Variants in PCDH15 observed in about 807,000 individuals in gnomAD.
PCDH15 encodes the protein protocadherin-15.
A neutral mutation model predicts 178.5 loss-of-function variants in PCDH15; 129 were observed. The observed-to-expected ratio is 0.72, with a 90% confidence interval of 0.63 to 0.84. The LOEUF (loss-of-function observed/expected upper bound fraction) is 0.84, where lower values mean the gene tolerates loss of function less well. Ranked by LOEUF, PCDH15 falls within the 40% of genes least tolerant of loss-of-function variation. PCDH15 has a pLI of 0.00. For missense variants in PCDH15, 2,230 were observed against 2,099.9 expected (o/e 1.06, Z -1.21); for synonymous variants, 800 against 732.0 (o/e 1.09, Z -1.50).
chr10:55,562,304 T>A (rs556731845), intron 2 of PCDH15, among the ~76,000 whole-genome samples: 1 of 152,150 alleles, frequency 6.6e-6, no homozygotes, highest in South Asian at 2.1e-4. Context: ...GATTAGCTAT[T>A]TTATACAGTT....
chr10:54,821,508 A>G (rs1174207861), intron 3 of PCDH15, among the ~76,000 whole-genome samples: 2 of 152,276 alleles, frequency 1.3e-5, no homozygotes, highest in East Asian at 1.9e-4. Context: ...AAAAGTTGGC[A>G]CATACCAAGA....
chr10:54,339,365 A>AAC (rs67229742), intron 6 of PCDH15, among the ~76,000 whole-genome samples: 13,008 of 138,326 alleles, frequency 0.094, 673 homozygotes, highest in Admixed American at 0.14. Context: ...GCATTAAACA[A>AAC]AAAAAAAAAT....
intron 2 of PCDH15, among the ~76,000 whole-genome samples, chr10:55,484,495 C>A (rs1589071026): frequency 6.6e-6 from 1 of 151,602 alleles, no homozygotes; most frequent in East Asian, 1.9e-4. Context: ...AAATTCAATG[C>A]TATCCCTAAC....
chr10:54,463,797 A>G (rs570290038), intron 3 of PCDH15, among the ~76,000 whole-genome samples: 1 of 152,066 alleles, frequency 6.6e-6, no homozygotes, highest in African/African-American at 2.4e-5. Context: ...CCAAAGCGGT[A>G]GTAGGGCTAG....
chr10:54,919,718 C>T (rs1250550511), intron 2 of PCDH15, among the ~76,000 whole-genome samples: 3 of 152,182 alleles, frequency 2.0e-5, no homozygotes, highest in Non-Finnish European at 2.9e-5. Context: ...CTACATTTCT[C>T]CTCTTGCATT....
chr10:55,178,176 T>C (rs1839547988), intron 1 of PCDH15, among the ~76,000 whole-genome samples: 2 of 152,100 alleles, frequency 1.3e-5, no homozygotes, highest in African/African-American at 4.8e-5. Flanking sequence ...TTCCTTCCAT[T>C]GGCAGTGGCA....
At chr10:54,351,043 G>T (rs1293049878) in intron 5 of PCDH15, among the ~76,000 whole-genome samples, 3 of 151,994 alleles carry the variant, frequency 2.0e-5, no homozygotes, top group Non-Finnish European at 2.9e-5. Flanking sequence ...GACTGAGGTT[G>T]CAGTGAGCTG....
At chr10:54,862,378 T>C (rs1953858038) in intron 3 of PCDH15, among the ~76,000 whole-genome samples, 1 of 152,244 alleles carries the variant, frequency 6.6e-6, no homozygotes, top group Non-Finnish European at 1.5e-5. Flanking sequence ...AACCTCATGT[T>C]CATTAAAATT....
intron 1 of PCDH15, among the ~76,000 whole-genome samples, chr10:55,306,275 T>C (rs907329949): frequency 1.3e-5 from 2 of 152,234 alleles, no homozygotes; most frequent in Non-Finnish European, 2.9e-5. Context: ...CTCAGCAAGA[T>C]TTTAATTCTA....
chr10:55,597,446 C>T (rs1842959197), intron 2 of PCDH15, among the ~76,000 whole-genome samples: 1 of 152,036 alleles, frequency 6.6e-6, no homozygotes, highest in Non-Finnish European at 1.5e-5. Context: ...CTAGTCAGAA[C>T]CCTAAAAATC....
chr10:54,147,687 C>A (rs12263914), intron 14 of PCDH15, among the ~76,000 whole-genome samples: 2,583 of 151,272 alleles, frequency 0.017, 85 homozygotes, highest in African/African-American at 0.06. Context: ...ATATTCAAGA[C>A]TAATAAATTA....
chr10:53,980,477 G>C (rs1196905721), intron 21 of PCDH15, among the ~76,000 whole-genome samples: 1 of 152,040 alleles, frequency 6.6e-6, no homozygotes, highest in Non-Finnish European at 1.5e-5. Flanking sequence ...TACTTCAAGA[G>C]TTTAGGTATT....
chr10:55,201,941 A>AT (rs1231080369), intron 1 of PCDH15, among the ~76,000 whole-genome samples: 2 of 151,918 alleles, frequency 1.3e-5, no homozygotes, highest in Non-Finnish European at 2.9e-5. Flanking sequence ...AAAGTTTTTC[A>AT]TTTTTTCCCC....
At chr10:54,576,467 A>T (rs561430340) in intron 2 of PCDH15, among the ~76,000 whole-genome samples, 6 of 152,354 alleles carry the variant, frequency 3.9e-5, no homozygotes, top group African/African-American at 1.4e-4. Flanking sequence ...ACAAAGATGA[A>T]TAAAGCCAAA....
chr10:55,451,747 A>G (rs1839439934), intron 2 of PCDH15, among the ~76,000 whole-genome samples: 1 of 152,176 alleles, frequency 6.6e-6, no homozygotes, highest in South Asian at 2.1e-4. Flanking sequence ...TCCGATTCTG[A>G]GTTGACATCT....
At chr10:55,325,612 A>T (rs1187134352) in intron 2 of PCDH15, among the ~76,000 whole-genome samples, 1 of 152,146 alleles carries the variant, frequency 6.6e-6, no homozygotes, top group African/African-American at 2.4e-5. Flanking sequence ...AACTATAAAC[A>T]TCCTGGATGA....
At chr10:54,174,452 G>A (rs2047218335) in intron 13 of PCDH15, among the ~76,000 whole-genome samples, 2 of 151,872 alleles carry the variant, frequency 1.3e-5, no homozygotes, top group South Asian at 2.1e-4. Flanking sequence ...GGAGAATGGC[G>A]TGAACTCGGG....
chr10:54,639,555 C>A (rs1332517394), intron 2 of PCDH15, among the ~76,000 whole-genome samples: 1 of 151,992 alleles, frequency 6.6e-6, no homozygotes, highest in Non-Finnish European at 1.5e-5. Context: ...AAATTAAATA[C>A]AAGATACTAA....
rs1565776671 is a variant in PCDH15 at position 54,622,627 on chromosome 10, AATATATATT to A, written c.91+41536_91+41544del. Among the ~76,000 whole-genome samples, 7 of 42,060 alleles carry A rather than the reference AATATATATT, an allele frequency of 1.7e-4. 1 individual carries two copies. The highest frequency in any genetic ancestry group is 6.3e-4 in the African/African-American group (6 of 9,528). The allele number at this position is 42,060 out of a possible 152,430, so 27.6% of individuals were successfully genotyped here. On this transcript the variant is annotated intron_variant, in intron 2 of 37. Coordinates refer to ENST00000644397, the MANE Select transcript of PCDH15 (RefSeq NM_001384140.1). ...ATATATAATTATATATAATATATAT[AATATATATT>A]ATATAATTATATATATACTATATAA... is the stretch of plus-strand genomic sequence containing the variant.
Sources: gnomAD v4.1 joint callset for allele counts (sites outside exome capture counted in the v4.1 genomes callset) on GRCh38, gnomAD v4.1.1 for gene constraint, MANE v1.5 for transcripts, NCBI Gene and HGNC (gene_info 2026-07-23, HGNC 2026-07-21) for gene names.